The following ABTB3 variants were observed in gnomAD, a reference collection of about 807,000 sequenced individuals.
ABTB3 encodes ankyrin repeat and BTB domain containing 3, also known as ankyrin repeat- and BTB/POZ domain-containing protein 3.
At chr12:107,565,828 C>T in the ABTB3 span, among the ~76,000 whole-genome samples, 1,932 of 152,308 alleles carry the variant, frequency 0.013, 42 homozygotes, top group African/African-American at 0.042. Context: ...CCCTTTCCAT[C>T]TCACCAGATA....
the ABTB3 span, among the ~76,000 whole-genome samples, chr12:107,594,896 G>A: frequency 1.3e-5 from 2 of 151,926 alleles, no homozygotes; most frequent in Non-Finnish European, 2.9e-5. Context: ...TCAGCACTAC[G>A]ACATTTGGGG....
the ABTB3 span, chr12:107,635,267 CCT>C: frequency 6.2e-7 from 1 of 1,611,192 alleles, no homozygotes; most frequent in Admixed American, 1.7e-5. Flanking sequence ...ATCATGACCT[CCT>C]CTTTCTTTTC....
chr12:107,522,705 A>G, the ABTB3 span, among the ~76,000 whole-genome samples: 6 of 146,192 alleles, frequency 4.1e-5, no homozygotes, highest in Admixed American at 6.8e-5. Flanking sequence ...GAAGAGAAAG[A>G]GAGAGGGGTT....
chr12:107,390,097 A>G, the ABTB3 span, among the ~76,000 whole-genome samples: 1 of 152,106 alleles, frequency 6.6e-6, no homozygotes, highest in Non-Finnish European at 1.5e-5. Context: ...GTGGGAGGAG[A>G]CTAAACAAGG....
chr12:107,607,453 G>A, the ABTB3 span, among the ~76,000 whole-genome samples: 8 of 152,168 alleles, frequency 5.3e-5, no homozygotes, highest in African/African-American at 1.7e-4. Flanking sequence ...TTCCAACAGC[G>A]TTGGGGTGTT....
chr12:107,586,372 G>A, the ABTB3 span, among the ~76,000 whole-genome samples: 3 of 152,250 alleles, frequency 2.0e-5, no homozygotes, highest in South Asian at 6.2e-4. Context: ...GTGTGGCTCT[G>A]TGAGGCCTTG....
chr12:107,424,119 G>A, the ABTB3 span, among the ~76,000 whole-genome samples: 1 of 152,192 alleles, frequency 6.6e-6, no homozygotes, highest in East Asian at 1.9e-4. Flanking sequence ...CACTTAAGTG[G>A]TGTGAAAAAC....
the ABTB3 span, among the ~76,000 whole-genome samples, chr12:107,627,281 T>C: frequency 1.5e-3 from 227 of 152,308 alleles, 1 homozygote; most frequent in African/African-American, 5.1e-3. Context: ...TCTGGCCTCC[T>C]TTTTCTCTAT....
At chr12:107,416,749 C>T in the ABTB3 span, among the ~76,000 whole-genome samples, 1 of 152,186 alleles carries the variant, frequency 6.6e-6, no homozygotes, top group South Asian at 2.1e-4. Flanking sequence ...CTGCCTCAGC[C>T]TCCCAAATAG....
chr12:107,641,647 G>A, the ABTB3 span, among the ~76,000 whole-genome samples: 1 of 152,190 alleles, frequency 6.6e-6, no homozygotes, highest in Non-Finnish European at 1.5e-5. Flanking sequence ...GGTTCATACT[G>A]GGACAGGATG....
the ABTB3 span, among the ~76,000 whole-genome samples, chr12:107,508,434 A>ATTTTTTT: frequency 1.9e-4 from 11 of 58,708 alleles, no homozygotes; most frequent in Non-Finnish European, 1.9e-4. Context: ...CTCAAAGATC[A>ATTTTTTT]TTTCTTTTTT....
the ABTB3 span, among the ~76,000 whole-genome samples, chr12:107,364,662 C>A: frequency 1.3e-5 from 2 of 152,060 alleles, no homozygotes; most frequent in Admixed American, 6.6e-5. Context: ...ACTTCATTGG[C>A]CAAAGCAAGT....
At chr12:107,490,863 T>C in the ABTB3 span, among the ~76,000 whole-genome samples, 1 of 152,080 alleles carries the variant, frequency 6.6e-6, no homozygotes, top group Non-Finnish European at 1.5e-5. Context: ...TTTTAAATGA[T>C]TGTCTCACTT....
the ABTB3 span, among the ~76,000 whole-genome samples, chr12:107,509,980 A>G: frequency 6.6e-6 from 1 of 152,172 alleles, no homozygotes; most frequent in Non-Finnish European, 1.5e-5. Flanking sequence ...GTCTCTGTCT[A>G]TTATCCCATT....
the ABTB3 span, among the ~76,000 whole-genome samples, chr12:107,540,090 G>A: frequency 1.3e-5 from 2 of 152,158 alleles, no homozygotes; most frequent in African/African-American, 4.8e-5. Flanking sequence ...TAGTCTATTT[G>A]TGCTGCTCTA....
the ABTB3 span, among the ~76,000 whole-genome samples, chr12:107,478,786 A>C: frequency 2.0e-5 from 3 of 152,012 alleles, no homozygotes; most frequent in African/African-American, 7.3e-5. Flanking sequence ...CTAGAATCCA[A>C]GAGTTGCTTC....
the ABTB3 span, chr12:107,520,502 C>T: frequency 6.2e-7 from 1 of 1,613,974 alleles, no homozygotes; most frequent in South Asian, 1.1e-5. Flanking sequence ...CTGTGCCTAC[C>T]AGACAGCCTG....
At chr12:107,551,410 A>G in the ABTB3 span, among the ~76,000 whole-genome samples, 4 of 152,344 alleles carry the variant, frequency 2.6e-5, no homozygotes, top group East Asian at 7.7e-4. Context: ...TCCATTTGTA[A>G]CTTGAGCATT....
chr12:107,537,292 A>T, the ABTB3 span, among the ~76,000 whole-genome samples: 14 of 152,194 alleles, frequency 9.2e-5, no homozygotes, highest in African/African-American at 3.4e-4. Context: ...AGCCAAATCA[A>T]GAACCAAGTT....
Sources: allele counts gnomAD v4.1 joint callset (sites outside exome capture counted in the v4.1 genomes callset), GRCh38; gene constraint gnomAD v4.1.1; transcripts MANE v1.5; gene names NCBI Gene and HGNC (gene_info 2026-07-23, HGNC 2026-07-21).